The following PXK variants were observed in gnomAD, a reference collection of about 807,000 sequenced individuals.
PXK encodes PX domain containing serine/threonine kinase like, also known as PX domain-containing protein kinase-like protein.
A neutral mutation model predicts 84.7 loss-of-function variants in PXK; 35 were observed. The observed-to-expected ratio is 0.41, with a 90% CI of 0.32 to 0.55. The LOEUF is 0.55. Among genes scored for constraint, PXK ranks in the 20% least tolerant of loss-of-function variants. The probability of loss-of-function intolerance (pLI) is 0.21; values close to 1 mark genes in which losing one functional copy is unlikely to be tolerated. For missense variants in PXK, 634 were observed against 699.7 expected (o/e 0.91, Z 1.06); for synonymous variants, 253 against 260.8 (o/e 0.97, Z 0.29).
At chr3:58,336,398 G>C (rs1002499081) in intron 1 of PXK, among the ~76,000 whole-genome samples, 1 of 152,148 alleles carries the variant, frequency 6.6e-6, no homozygotes, top group Admixed American at 6.5e-5. Context: ...TGCTGATGCT[G>C]ATGCATCATT....
In PXK at chr3:58,396,805, A is replaced by G. The variant is rs114317604; in HGVS notation, c.823-234A>G. On this transcript the variant is annotated intron_variant, in intron 9 of 17. Transcript: ENST00000356151. ...CCAAGCATATGCAGGCTGCTTCTCT[A>G]TTCTTTTGAGGAAAGAAAGAACTGA... is the stretch of plus-strand genomic sequence containing the variant. 5.7e-3 allele frequency among the ~76,000 whole-genome samples: 874 copies of G among 152,342 alleles called. 7 individuals are homozygous for G. Among genetic ancestry groups the G allele is most frequent in the African/African-American group, 0.02 (812 of 41,576 alleles).
chr3:58,409,100 T>A lies in PXK; in HGVS notation c.1308+99T>A. ...TTGACTGTTCCCTCTGCAAATATTT[T>A]AAGCATACTTACTCTCAGCCAGCCT... On this transcript the variant is annotated intron_variant, in intron 14 of 17. Coordinates refer to ENST00000356151, the MANE Select transcript of PXK (RefSeq NM_017771.5). The surrounding 1 kb of genome is among the most constrained non-coding windows in gnomAD (Gnocchi z 4.2). The A allele has an allele frequency of 1.1e-6, 1 of 894,172 alleles. No homozygotes were observed. The highest frequency in any genetic ancestry group is 1.8e-6 in the Non-Finnish European group (1 of 568,430). 55.4% of individuals were successfully genotyped at this position (894,172 alleles called of 1,614,324 possible).
Position 58,416,319 on chromosome 3 carries a change from C to G in PXK, c.1528+3356C>G, listed in dbSNP as rs1031107047. On this transcript the variant is annotated intron_variant, in intron 17 of 17. Coordinates refer to ENST00000356151, the MANE Select transcript of PXK (RefSeq NM_017771.5). The surrounding 1 kb of genome is among the most constrained non-coding windows in gnomAD (Gnocchi z 4.8). ...ATTACTTCTAGGGCTAGCTGGATGC[C>G]TGGAATTTTTCTTAAAGGAACATTT... 6.6e-6 allele frequency among the ~76,000 whole-genome samples: 1 copy of G among 152,164 alleles called. No homozygotes were observed. The highest frequency in any genetic ancestry group is 1.5e-5 in the Non-Finnish European group (1 of 68,030).
At position 58,412,937 on chromosome 3, in the gene PXK, C is replaced by T. The variant is rs1265269863; in HGVS notation, c.1502C>T (p.Ser501Leu). 1 of 1,614,078 alleles carries T rather than the reference C, an allele frequency of 6.2e-7. No individual in the cohort carries two copies. The highest frequency in any genetic ancestry group is 8.5e-7 in the Non-Finnish European group (1 of 1,180,048). Residue 501 changes from serine (S) to leucine (L), a missense_variant, in exon 17 of 18, where the codon TCA (serine) becomes TTA (leucine). Ser to Leu is a moderately radical substitution (Grantham distance 145). Around this residue, in one of 3 missense-constraint regions of PXK, gnomAD observed 273 missense variants for 283.6 expected, o/e 0.96. Coordinates refer to ENST00000356151, the MANE Select transcript of PXK (RefSeq NM_017771.5). This position sits in a 1 kb window ranked among gnomAD's most constrained non-coding sequence, Gnocchi z 6.2. ...GCCAGCTCACCTCTCACGTCCCCGT[C>T]ATCGCCAACTCCACCCTCTACATCA... ...SGASSPLTSP[S>L]SPTPPSTSGI...
chr3:58,424,635 T>C, intron 17 of PXK, 117 bp from the exon 18 acceptor site: 29 of 1,394,206 alleles, frequency 2.1e-5, no homozygotes, highest in Non-Finnish European at 2.7e-5. Context: ...GGTATGTTGG[T>C]CCCTCTGAGA....
At chr3:58,396,863 A>G (rs2057757737) in intron 9 of PXK, among the ~76,000 whole-genome samples, 176 bp from the exon 10 acceptor site, 1 of 152,278 alleles carries the variant, frequency 6.6e-6, no homozygotes, top group African/African-American at 2.4e-5. Context: ...ACTGGAAAGC[A>G]TTCAGCTTCA....
chr3:58,392,537 A>T (rs973338673), intron 7 of PXK, among the ~76,000 whole-genome samples: 3 of 152,190 alleles, frequency 2.0e-5, no homozygotes, highest in Non-Finnish European at 2.9e-5. Context: ...ATTTTTGGCC[A>T]TATAGTGTCT....
chr3:58,359,064 A>T (rs1435993304), intron 1 of PXK, among the ~76,000 whole-genome samples: 4 of 152,190 alleles, frequency 2.6e-5, no homozygotes, highest in Non-Finnish European at 1.5e-5. Context: ...TTGGAACGTG[A>T]TAGGTGCTTA....
Position 58,412,934 on chromosome 3 carries a change from C to T in PXK, c.1499C>T (p.Pro500Leu), listed in dbSNP as rs764756608. The change falls in exon 17 of 18, where the codon CCG becomes CTG. Residue 500 changes from proline to leucine, a missense_variant. Around this residue, in one of 3 missense-constraint regions of PXK, gnomAD observed 273 missense variants for 283.6 expected, o/e 0.96. Transcript: ENST00000356151. This position sits in a 1 kb window ranked among gnomAD's most constrained non-coding sequence, Gnocchi z 6.2. ...GGGGCCAGCTCACCTCTCACGTCCC[C>T]GTCATCGCCAACTCCACCCTCTACA... Reference protein sequence around the residue: ...GSGASSPLTSPSSPTPPSTSG... With the variant: ...GSGASSPLTSLSSPTPPSTSG... 24 of 1,614,054 alleles carry T rather than the reference C, an allele frequency of 1.5e-5. No homozygotes were observed. Among genetic ancestry groups the T allele is most frequent in the East Asian group, 2.2e-5 (1 of 44,892 alleles).
intron 4 of PXK, among the ~76,000 whole-genome samples, chr3:58,387,229 G>A (rs1418957837): frequency 6.6e-6 from 1 of 152,172 alleles, no homozygotes. Flanking sequence ...TTCTGAGCAT[G>A]CAGTTTTTCC....
Position 58,395,673 on chromosome 3 carries a change from C to T in PXK, c.736C>T (p.Pro246Ser). 6.2e-7 allele frequency: 1 copy of T among 1,612,986 alleles called. No individual in the cohort carries two copies. The highest frequency in any genetic ancestry group is 8.5e-7 in the Non-Finnish European group (1 of 1,179,364). The change falls in exon 9 of 18, where the codon CCA becomes TCA. Residue 246 changes from proline to serine, a missense_variant. Around this residue, in one of 3 missense-constraint regions of PXK, gnomAD observed 353 missense variants for 385.2 expected, o/e 0.92. Coordinates refer to ENST00000356151, the MANE Select transcript of PXK (RefSeq NM_017771.5). ...DLIYKAKPKD[P>S]FLKKYCNPKK... ...TTTTCCAAAGGCAAAACCAAAAGAC[C>T]CATTTCTAAAGAAGTACTGCAACCC...
In PXK at chr3:58,425,039, G is replaced by A. The variant is rs1186713623; in HGVS notation, c.*79G>A. The A allele has an allele frequency of 1.3e-6, 2 of 1,549,122 alleles. No individual in the cohort carries two copies. Among genetic ancestry groups the A allele is most frequent in the African/African-American group, 1.4e-5 (1 of 73,468 alleles). ...TACCCCCCAAACTACCCTCTTCCTG[G>A]GAAAGTAATTGCTGAGCCAGTACAG... On this transcript the variant is annotated 3_prime_UTR_variant, in exon 18 of 18. Transcript: ENST00000356151.
intron 4 of PXK, among the ~76,000 whole-genome samples, chr3:58,384,070 G>T (rs1187869307): frequency 6.6e-6 from 1 of 152,166 alleles, no homozygotes; most frequent in African/African-American, 2.4e-5. Flanking sequence ...TGATTAAATC[G>T]GAGTCTTGTG....
chr3:58,382,081 C>A (rs1357305831), intron 3 of PXK, among the ~76,000 whole-genome samples: 1 of 152,060 alleles, frequency 6.6e-6, no homozygotes, highest in Non-Finnish European at 1.5e-5. Context: ...TTTGGGAGGC[C>A]GAAGCTGGTG....
intron 13 of PXK, among the ~76,000 whole-genome samples, chr3:58,406,325 G>T (rs1381081924): frequency 6.6e-6 from 1 of 151,226 alleles, no homozygotes; most frequent in Non-Finnish European, 1.5e-5. Context: ...TGCCAGGCTG[G>T]AGTGCAGTGG....
intron 4 of PXK, among the ~76,000 whole-genome samples, chr3:58,387,079 C>G (rs1560021008): frequency 6.6e-6 from 1 of 152,178 alleles, no homozygotes; most frequent in African/African-American, 2.4e-5. Flanking sequence ...TCCCTGCAGT[C>G]ATTCCATGGG....
At position 58,425,057 on chromosome 3, in the gene PXK, C is replaced by A; in HGVS notation, c.*97C>A. 1 of 1,496,910 alleles carries A rather than the reference C, an allele frequency of 6.7e-7. No homozygotes were observed. The highest frequency in any genetic ancestry group is 1.8e-4 in the Middle Eastern group (1 of 5,708). 92.7% of individuals were successfully genotyped at this position (1,496,910 alleles called of 1,614,324 possible). On this transcript the variant is annotated 3_prime_UTR_variant, in exon 18 of 18. Coordinates refer to ENST00000356151, the MANE Select transcript of PXK (RefSeq NM_017771.5). ...CTTCCTGGGAAAGTAATTGCTGAGC[C>A]AGTACAGCCACAAACAGTACTATTT...
At chr3:58,365,332 A>G (rs965160879) in intron 1 of PXK, among the ~76,000 whole-genome samples, 5 of 152,166 alleles carry the variant, frequency 3.3e-5, no homozygotes, top group Admixed American at 1.3e-4. Context: ...CCTGTTACCA[A>G]TCTTACTGAT....
rs376301093 is a variant in PXK, at chr3:58,424,908, G to T, written c.1685G>T (p.Gly562Val). The T allele has an allele frequency of 5.0e-6, 8 of 1,614,076 alleles. No homozygotes were observed. The South Asian group carries it at 8.8e-5, about 18-fold the overall frequency. ...LLSSIQNFQK[G>V]TLRKAKTCDH... The stretch of plus-strand genomic sequence containing the variant: ...AGCTCCATCCAGAATTTCCAAAAAG[G>T]AACTTTGAGGAAAGCCAAAACCTGT... The change falls in exon 18 of 18, where the codon GGA becomes GTA. Residue 562 changes from glycine (G) to valine (V), a missense_variant. Gly to Val is a moderately radical substitution (Grantham distance 109). Coordinates refer to ENST00000356151, the MANE Select transcript of PXK (RefSeq NM_017771.5).
Sources: gnomAD v4.1 joint callset for allele counts (sites outside exome capture counted in the v4.1 genomes callset) on GRCh38, gnomAD v4.1.1 for gene constraint, gnomAD v4.1.1 regional missense constraint, Gnocchi (gnomAD v3.1) non-coding constraint, MANE v1.5 for transcripts, NCBI Gene and HGNC (gene_info 2026-07-23, HGNC 2026-07-21) for gene names.